The following FHIT variants were observed in gnomAD, a reference collection of about 807,000 sequenced individuals.
The protein encoded by FHIT is bis(5'-adenosyl)-triphosphatase.
A neutral mutation model predicts 17.9 loss-of-function variants in FHIT; 19 were observed. That is an observed-to-expected ratio of 1.06 (90% CI 0.74 to 1.56). The LOEUF is 1.56. Ranked by LOEUF, FHIT falls within the 40% of genes most tolerant of loss-of-function variation. FHIT has a pLI of 0.00. For missense variants in FHIT, 248 were observed against 189.2 expected (o/e 1.31, Z -1.82); for synonymous variants, 81 against 69.7 (o/e 1.16, Z -0.81).
intron 4 of FHIT, among the ~76,000 whole-genome samples, chr3:60,649,291 TCAGGAGTCTGAGG>T (rs1370201341): frequency 1.3e-5 from 2 of 152,054 alleles, no homozygotes; most frequent in Non-Finnish European, 1.5e-5. Context: ...TCCCAGCTAC[TCAGGAGTCTGAGG>T]CAGGAGGCTG....
intron 3 of FHIT, among the ~76,000 whole-genome samples, chr3:60,929,855 A>G (rs1300973154): frequency 6.6e-6 from 1 of 152,262 alleles, no homozygotes; most frequent in Non-Finnish European, 1.5e-5. Flanking sequence ...AGAATTGGAA[A>G]AAACTACCTT....
chr3:61,093,548 T>C (rs1407460343), intron 2 of FHIT, among the ~76,000 whole-genome samples: 1 of 152,178 alleles, frequency 6.6e-6, no homozygotes, highest in Non-Finnish European at 1.5e-5. Context: ...CAATGTGATG[T>C]AATGCAGAAC....
At chr3:60,983,358 G>A (rs1180506560) in intron 3 of FHIT, among the ~76,000 whole-genome samples, 1 of 152,168 alleles carries the variant, frequency 6.6e-6, no homozygotes, top group Non-Finnish European at 1.5e-5. Context: ...GGCTGCCACT[G>A]TTACTCAGCA....
At chr3:60,124,001 T>TAG (rs1705398141) in intron 5 of FHIT, among the ~76,000 whole-genome samples, 7 of 27,950 alleles carry the variant, frequency 2.5e-4, no homozygotes, top group East Asian at 6.6e-4. Context: ...TATATATATA[T>TAG]ATATATATAG....
intron 7 of FHIT, among the ~76,000 whole-genome samples, chr3:60,003,338 T>C (rs1699799911): frequency 6.6e-6 from 1 of 152,190 alleles, no homozygotes; most frequent in Non-Finnish European, 1.5e-5. Context: ...TATTTTATTA[T>C]TTCCTGCTGT....
At chr3:60,222,254 T>A (rs1165936832) in intron 5 of FHIT, among the ~76,000 whole-genome samples, 2 of 152,140 alleles carry the variant, frequency 1.3e-5, no homozygotes, top group Non-Finnish European at 2.9e-5. Flanking sequence ...TGAGCCAGGA[T>A]TCAAGTCCTA....
intron 4 of FHIT, among the ~76,000 whole-genome samples, chr3:60,550,735 T>G (rs2036519135): frequency 6.6e-6 from 1 of 152,128 alleles, no homozygotes; most frequent in Admixed American, 6.5e-5. Context: ...CTCATCAAAC[T>G]CTAATCACCT....
intron 7 of FHIT, among the ~76,000 whole-genome samples, chr3:59,981,554 C>G (rs1440053582): frequency 6.6e-6 from 1 of 152,108 alleles, no homozygotes; most frequent in Non-Finnish European, 1.5e-5. Flanking sequence ...CAGTGCCTGG[C>G]CACATTACCG....
intron 7 of FHIT, among the ~76,000 whole-genome samples, chr3:59,986,540 T>TATACACACACAC (rs1473518719): frequency 2.4e-4 from 3 of 12,446 alleles, no homozygotes; most frequent in South Asian, 3.4e-3. Context: ...TATATATATA[T>TATACACACACAC]ACACACACAC....
chr3:60,283,151 G>A (rs941112962), intron 5 of FHIT, among the ~76,000 whole-genome samples: 6 of 151,990 alleles, frequency 3.9e-5, no homozygotes, highest in African/African-American at 7.2e-5. Flanking sequence ...TAATTAGATG[G>A]CATTCATAAG....
At chr3:59,900,101 C>T (rs572142419) in intron 8 of FHIT, among the ~76,000 whole-genome samples, 2 of 152,288 alleles carry the variant, frequency 1.3e-5, no homozygotes, top group African/African-American at 2.4e-5. Flanking sequence ...CACAGTCATC[C>T]GGCACAATCA....
chr3:60,181,081 A>T (rs1348771398), intron 5 of FHIT, among the ~76,000 whole-genome samples: 1 of 152,148 alleles, frequency 6.6e-6, no homozygotes, highest in African/African-American at 2.4e-5. Flanking sequence ...GTAACAAAAT[A>T]AAGTTGCACC....
chr3:60,659,865 C>T (rs1478122669), intron 4 of FHIT, among the ~76,000 whole-genome samples: 1 of 152,046 alleles, frequency 6.6e-6, no homozygotes, highest in Non-Finnish European at 1.5e-5. Flanking sequence ...TTGTTGAAAA[C>T]CGGACATTGA....
intron 8 of FHIT, among the ~76,000 whole-genome samples, chr3:59,788,134 G>A (rs994780747): frequency 2.0e-5 from 3 of 152,082 alleles, no homozygotes; most frequent in Non-Finnish European, 2.9e-5. Context: ...CTGCCCTAAC[G>A]TTCTGTCATT....
intron 4 of FHIT, among the ~76,000 whole-genome samples, chr3:60,691,130 G>A (rs373236188): frequency 6.8e-5 from 10 of 148,002 alleles, no homozygotes; most frequent in East Asian, 1.9e-4. Flanking sequence ...TTTTGGTATC[G>A]GGTTTTGTTT....
At chr3:61,203,026 A>G (rs529732078) in intron 1 of FHIT, among the ~76,000 whole-genome samples, 1 of 151,992 alleles carries the variant, frequency 6.6e-6, no homozygotes, top group Non-Finnish European at 1.5e-5. Context: ...TAAAAATACA[A>G]AAAATTAGAT....
intron 4 of FHIT, among the ~76,000 whole-genome samples, chr3:60,632,102 GT>G (rs879949293): frequency 2.0e-5 from 3 of 149,740 alleles, no homozygotes; most frequent in Non-Finnish European, 3.0e-5. Flanking sequence ...TTTGTTTTTT[GT>G]TTTTTTTTAA....
chr3:61,101,631 A>C (rs1055115636), intron 2 of FHIT, among the ~76,000 whole-genome samples: 1 of 152,180 alleles, frequency 6.6e-6, no homozygotes, highest in African/African-American at 2.4e-5. Flanking sequence ...TTGAATCTAT[A>C]AATTACTTTG....
intron 5 of FHIT, among the ~76,000 whole-genome samples, chr3:60,455,664 C>T (rs2032043788): frequency 6.6e-6 from 1 of 152,032 alleles, no homozygotes; most frequent in African/African-American, 2.4e-5. Flanking sequence ...GATGCCCTTT[C>T]CTCAAGGTTA....
Sources: gnomAD v4.1 joint callset for allele counts (sites outside exome capture counted in the v4.1 genomes callset) on GRCh38, gnomAD v4.1.1 for gene constraint, MANE v1.5 for transcripts, NCBI Gene and HGNC (gene_info 2026-07-23, HGNC 2026-07-21) for gene names.